The following EDIL3 variants were observed in gnomAD, a reference collection of about 807,000 sequenced individuals.
EDIL3 encodes the protein EGF like and discoidin domains 3.
In EDIL3, 37 loss-of-function variants were observed where a neutral mutation model predicts 67.4. The ratio of observed to expected loss-of-function variants is 0.55; its 90% CI spans 0.42 to 0.72. EDIL3 has a LOEUF of 0.72. Among genes scored for constraint, EDIL3 ranks in the 30% least tolerant of loss-of-function variants. The pLI, the probability that EDIL3 is intolerant of heterozygous loss-of-function variation, is 0.00. For synonymous variants in EDIL3, 195 were observed against 196.3 expected (o/e 0.99, Z 0.05); for missense variants, 527 against 586.3 (o/e 0.90, Z 1.04).
intron 9 of EDIL3, among the ~76,000 whole-genome samples, chr5:84,037,084 G>A (rs1746035306): frequency 6.6e-6 from 1 of 152,122 alleles, no homozygotes; most frequent in Non-Finnish European, 1.5e-5. Context: ...AAAGCATCCT[G>A]GGCTGCACTC....
intron 4 of EDIL3, among the ~76,000 whole-genome samples, chr5:84,169,933 GTA>G (rs1748784161): frequency 7.2e-5 from 11 of 152,032 alleles, no homozygotes; most frequent in Admixed American, 7.2e-4. Flanking sequence ...GGACTGTATG[GTA>G]ATGCCTGTGT....
intron 3 of EDIL3, among the ~76,000 whole-genome samples, chr5:84,183,421 A>G (rs1162530357): frequency 1.3e-5 from 2 of 152,138 alleles, no homozygotes; most frequent in African/African-American, 2.4e-5. Flanking sequence ...AAACTAACTG[A>G]TAACTGACAG....
chr5:84,050,197 C>CAAAAAAAAAAAAAA (rs11335643), intron 9 of EDIL3, among the ~76,000 whole-genome samples: 3 of 60,856 alleles, frequency 4.9e-5, no homozygotes, highest in Non-Finnish European at 9.2e-5. Context: ...AACTCCATCT[C>CAAAAAAAAAAAAAA]AAAAAAAAAA....
intron 4 of EDIL3, among the ~76,000 whole-genome samples, chr5:84,160,732 TTTC>T (rs200238671): frequency 0.019 from 2,401 of 125,320 alleles, 31 homozygotes; most frequent in Non-Finnish European, 0.032. Context: ...TCTTCTTTTT[TTTC>T]TTTTCTTTTC....
chr5:83,981,838 T>A (rs2112149470), intron 9 of EDIL3, among the ~76,000 whole-genome samples: 1 of 152,212 alleles, frequency 6.6e-6, no homozygotes, highest in African/African-American at 2.4e-5. Context: ...AGTCATTCAT[T>A]TTAAAGAAGA....
At chr5:84,282,970 G>C (rs1745733801) in intron 1 of EDIL3, among the ~76,000 whole-genome samples, 1 of 151,646 alleles carries the variant, frequency 6.6e-6, no homozygotes, top group African/African-American at 2.4e-5. Context: ...CATTCGATTT[G>C]TTCTTGAAAT....
intron 9 of EDIL3, among the ~76,000 whole-genome samples, chr5:83,985,172 A>G (rs1234411577): frequency 6.6e-6 from 1 of 151,090 alleles, no homozygotes; most frequent in Non-Finnish European, 1.5e-5. Flanking sequence ...ATCGTATGCT[A>G]TATTTCCTTG....
intron 4 of EDIL3, among the ~76,000 whole-genome samples, chr5:84,149,231 A>G (rs1353782539): frequency 6.6e-6 from 1 of 152,180 alleles, no homozygotes; most frequent in Non-Finnish European, 1.5e-5. Context: ...TGCAGTCCTG[A>G]ACACTGCCGT....
intron 1 of EDIL3, among the ~76,000 whole-genome samples, chr5:84,348,479 T>C (rs1747278626): frequency 6.6e-6 from 1 of 152,026 alleles, no homozygotes; most frequent in Admixed American, 6.5e-5. Context: ...TATTAAAAAA[T>C]CTAACTTACT....
At chr5:84,248,042 C>G (rs1744943715) in intron 2 of EDIL3, among the ~76,000 whole-genome samples, 1 of 152,098 alleles carries the variant, frequency 6.6e-6, no homozygotes. Context: ...TTTTTAACTG[C>G]TATATCCTCA....
rs58620104 is a variant in EDIL3 at position 84,141,061 on chromosome 5, A to G, written c.356-3707T>C. ...AATGAAACTTAAACATATTTGCAAT[A>G]AATAACATACACCTATCTTCGTCAC... is the stretch of plus-strand genomic sequence containing the variant. On this transcript the variant is annotated intron_variant, in intron 4 of 10. Transcript: ENST00000296591. 3.3e-3 allele frequency among the ~76,000 whole-genome samples: 509 copies of G among 152,208 alleles called. 5 individuals are homozygous for G. The highest frequency in any genetic ancestry group is 0.012 in the African/African-American group (493 of 41,540).
At chr5:84,043,399 A>T (rs1391793084) in intron 9 of EDIL3, among the ~76,000 whole-genome samples, 4 of 152,236 alleles carry the variant, frequency 2.6e-5, no homozygotes. Context: ...GTTTACACAG[A>T]TATGAACAAA....
At chr5:84,231,498 G>A (rs530118316) in intron 2 of EDIL3, among the ~76,000 whole-genome samples, 1 of 152,172 alleles carries the variant, frequency 6.6e-6, no homozygotes, top group Non-Finnish European at 1.5e-5. Flanking sequence ...AAGGAACTTT[G>A]TTCCCAGCGG....
intron 3 of EDIL3, among the ~76,000 whole-genome samples, chr5:84,197,493 C>T (rs910334183): frequency 1.3e-5 from 2 of 151,882 alleles, no homozygotes; most frequent in Admixed American, 6.6e-5. Context: ...AACCCCGTCT[C>T]TACTAAAATA....
intron 2 of EDIL3, among the ~76,000 whole-genome samples, chr5:84,237,056 T>C (rs561303986): frequency 6.6e-6 from 1 of 152,168 alleles, no homozygotes; most frequent in African/African-American, 2.4e-5. Flanking sequence ...TCACTAGATA[T>C]GAATTTCAGA....
rs562911222 is a variant in EDIL3, at chr5:84,098,180, A to C, written c.651+8469T>G. On this transcript the variant is annotated intron_variant, in intron 6 of 10. Transcript: ENST00000296591. Reference sequence around the variant, plus strand: ...AGTTATGAGCATTGTGGTACTATTAATAATTGCATGCTGAACATATAAATG... The same window carrying C: ...AGTTATGAGCATTGTGGTACTATTACTAATTGCATGCTGAACATATAAATG... 2.0e-5 allele frequency among the ~76,000 whole-genome samples: 3 copies of C among 152,220 alleles called. No individual in the cohort carries two copies. The South Asian group carries it at 6.2e-4, about 32-fold the overall frequency.
At chr5:84,209,822 T>G (rs1251222169) in intron 3 of EDIL3, among the ~76,000 whole-genome samples, 3 of 152,166 alleles carry the variant, frequency 2.0e-5, no homozygotes, top group Non-Finnish European at 4.4e-5. Context: ...AAATGTTTTC[T>G]TGACATATTT....
chr5:83,998,057 G>A (rs1745264875), intron 9 of EDIL3, among the ~76,000 whole-genome samples: 1 of 152,080 alleles, frequency 6.6e-6, no homozygotes. Context: ...AGCAGTCTAG[G>A]CCACAAGGAC....
At chr5:84,151,264 T>TAC (rs201338208) in intron 4 of EDIL3, among the ~76,000 whole-genome samples, 5,323 of 129,456 alleles carry the variant, frequency 0.041, 101 homozygotes, top group East Asian at 0.067. Flanking sequence ...CACACGCACA[T>TAC]ACACACACAC....
Sources: allele counts gnomAD v4.1 joint callset (sites outside exome capture counted in the v4.1 genomes callset), GRCh38; gene constraint gnomAD v4.1.1; transcripts MANE v1.5; gene names NCBI Gene and HGNC (gene_info 2026-07-23, HGNC 2026-07-21).